The following FBXW7 variants were observed in gnomAD, a reference collection of about 807,000 sequenced individuals.
FBXW7 encodes F-box/WD repeat-containing protein 7.
Under a neutral mutation model 86.3 loss-of-function variants are expected in FBXW7, and 11 were observed. The ratio of observed to expected loss-of-function variants is 0.13; its 90% CI spans 0.08 to 0.21. The LOEUF is 0.21. Among genes scored for constraint, FBXW7 ranks in the 10% least tolerant of loss-of-function variants. The probability of loss-of-function intolerance (pLI) is 1.00; values close to 1 mark genes in which losing one functional copy is unlikely to be tolerated. For missense variants in FBXW7, 488 were observed against 847.4 expected (o/e 0.58, Z 5.27); for synonymous variants, 313 against 297.9 (o/e 1.05, Z -0.52).
At chr4:152,421,894 CCAAA>C (rs1222040023) in intron 2 of FBXW7, among the ~76,000 whole-genome samples, 3 of 151,884 alleles carry the variant, frequency 2.0e-5, no homozygotes, top group African/African-American at 7.3e-5. Context: ...CATGGCATCC[CCAAA>C]CAATTATGAT....
intron 4 of FBXW7, among the ~76,000 whole-genome samples, chr4:152,364,470 T>C (rs1176983487): frequency 6.6e-6 from 1 of 152,198 alleles, no homozygotes; most frequent in Non-Finnish European, 1.5e-5. Flanking sequence ...ATCATAATAT[T>C]TATGAAAGAA....
chr4:152,500,496 CAAAAAAAAAA>C (rs34375454), intron 2 of FBXW7, among the ~76,000 whole-genome samples: 4 of 73,094 alleles, frequency 5.5e-5, no homozygotes, highest in Non-Finnish European at 1.1e-4. Flanking sequence ...GCTTTGTCAG[CAAAAAAAAAA>C]AAAAAAAAAA....
chr4:152,330,303 T>A (rs1729432011), intron 9 of FBXW7, among the ~76,000 whole-genome samples: 1 of 151,906 alleles, frequency 6.6e-6, no homozygotes, highest in Non-Finnish European at 1.5e-5. Flanking sequence ...GTATTTGAAA[T>A]GTTATTAGAC....
chr4:152,386,264 G>T (rs1735521552), intron 4 of FBXW7, among the ~76,000 whole-genome samples: 1 of 152,024 alleles, frequency 6.6e-6, no homozygotes, highest in South Asian at 2.1e-4. Context: ...TAGGAACATG[G>T]ACTCCAGAAC....
intron 2 of FBXW7, among the ~76,000 whole-genome samples, chr4:152,424,045 ATT>A (rs774043214): frequency 1.3e-5 from 2 of 151,742 alleles, no homozygotes; most frequent in Admixed American, 6.6e-5. Flanking sequence ...CTTTTTTTCC[ATT>A]TTTTGCAGAG....
intron 2 of FBXW7, among the ~76,000 whole-genome samples, chr4:152,445,357 C>T (rs1214758455): frequency 6.6e-6 from 1 of 152,080 alleles, no homozygotes; most frequent in Non-Finnish European, 1.5e-5. Flanking sequence ...ATCTGAAATG[C>T]TTGGAACCAG....
chr4:152,469,027 C>T (rs1176678787), intron 2 of FBXW7, among the ~76,000 whole-genome samples: 1 of 151,960 alleles, frequency 6.6e-6, no homozygotes, highest in Non-Finnish European at 1.5e-5. Context: ...AACATTTAGG[C>T]ACCTACTGTA....
chr4:152,502,419 T>C (rs1025557782), intron 2 of FBXW7, among the ~76,000 whole-genome samples: 1 of 152,182 alleles, frequency 6.6e-6, no homozygotes, highest in Admixed American at 6.5e-5. Context: ...TAATTTACAG[T>C]TAGAATGAGT....
chr4:152,482,906 G>C (rs1384636812), intron 2 of FBXW7, among the ~76,000 whole-genome samples: 2 of 151,974 alleles, frequency 1.3e-5, no homozygotes, highest in African/African-American at 4.8e-5. Context: ...ACAAACAATA[G>C]ACCTACTGAG....
At chr4:152,431,963 C>T (rs184350968) in intron 2 of FBXW7, among the ~76,000 whole-genome samples, 1 of 152,290 alleles carries the variant, frequency 6.6e-6, no homozygotes, top group East Asian at 1.9e-4. Flanking sequence ...TTCAGAGTCT[C>T]ATTGTGATTG....
At chr4:152,409,951 A>G (rs1737783617) in intron 4 of FBXW7, among the ~76,000 whole-genome samples, 1 of 152,204 alleles carries the variant, frequency 6.6e-6, no homozygotes, top group South Asian at 2.1e-4. Context: ...ATCATACACA[A>G]AATTTTACAT....
chr4:152,357,372 G>C (rs1732489657), intron 4 of FBXW7, among the ~76,000 whole-genome samples: 1 of 151,344 alleles, frequency 6.6e-6, no homozygotes, highest in Non-Finnish European at 1.5e-5. Context: ...CCATGCTAGA[G>C]TGCAGTGGCG....
chr4:152,342,356 A>C (rs1197216876), intron 6 of FBXW7, among the ~76,000 whole-genome samples: 1 of 152,218 alleles, frequency 6.6e-6, no homozygotes, highest in Non-Finnish European at 1.5e-5. Context: ...CCACCTACAC[A>C]GTGAGAGGCT....
chr4:152,530,070 TACACACACACACACAC>T (rs200498212), intron 2 of FBXW7, among the ~76,000 whole-genome samples: 3 of 124,658 alleles, frequency 2.4e-5, no homozygotes, highest in Admixed American at 8.4e-5. Context: ...AAAAAAAAAA[TACACACACACACACAC>T]ACACACACAC....
intron 4 of FBXW7, among the ~76,000 whole-genome samples, chr4:152,408,776 T>C (rs1325534822): frequency 6.6e-6 from 1 of 152,190 alleles, no homozygotes; most frequent in African/African-American, 2.4e-5. Context: ...TTTTTGCTAT[T>C]AGGCAAATCA....
At chr4:152,377,084 C>A (rs1192786679) in intron 4 of FBXW7, among the ~76,000 whole-genome samples, 3 of 152,092 alleles carry the variant, frequency 2.0e-5, no homozygotes, top group Non-Finnish European at 2.9e-5. Context: ...CCCAGACTAA[C>A]CCTACAAAAT....
chr4:152,459,147 T>A (rs1156445151), intron 2 of FBXW7, among the ~76,000 whole-genome samples: 1 of 152,144 alleles, frequency 6.6e-6, no homozygotes, highest in East Asian at 1.9e-4. Context: ...CCCAAAACAG[T>A]ACAGCTGGTT....
chr4:152,438,744 T>C (rs778561630), intron 2 of FBXW7, among the ~76,000 whole-genome samples: 2 of 152,156 alleles, frequency 1.3e-5, no homozygotes, highest in Non-Finnish European at 2.9e-5. Context: ...ATGGTACTGG[T>C]AAACCTACTC....
chr4:152,432,916 G>A (rs1012838403), intron 2 of FBXW7, among the ~76,000 whole-genome samples: 8 of 152,100 alleles, frequency 5.3e-5, no homozygotes, highest in African/African-American at 1.9e-4. Context: ...GATAACTACT[G>A]TTCCATCAGT....
Sources: gnomAD v4.1 joint callset for allele counts (sites outside exome capture counted in the v4.1 genomes callset) on GRCh38, gnomAD v4.1.1 for gene constraint, MANE v1.5 for transcripts, NCBI Gene and HGNC (gene_info 2026-07-23, HGNC 2026-07-21) for gene names.